The following LINGO2 variants were observed in gnomAD, a reference collection of about 807,000 sequenced individuals.
LINGO2 encodes the protein leucine-rich repeat and immunoglobulin-like domain-containing nogo receptor-interacting protein 2.
A neutral mutation model predicts 30.6 loss-of-function variants in LINGO2; 14 were observed. That is an observed-to-expected ratio of 0.46 (90% CI 0.30 to 0.72). The LOEUF (loss-of-function observed/expected upper bound fraction) is 0.72. Ranked by LOEUF, LINGO2 falls within the 30% of genes least tolerant of loss-of-function variation. LINGO2 has a pLI of 0.07. For missense variants in LINGO2, 729 were observed against 751.7 expected (o/e 0.97, Z 0.35); for synonymous variants, 317 against 288.5 (o/e 1.10, Z -1.00).
the LINGO2 span, among the ~76,000 whole-genome samples, chr9:28,816,140 T>C: frequency 6.6e-6 from 1 of 152,198 alleles, no homozygotes; most frequent in Admixed American, 6.5e-5. Context: ...AAGATAACCA[T>C]GTTAATCTAT....
intron 2 of LINGO2, among the ~76,000 whole-genome samples, chr9:28,463,802 T>C (rs558333839): frequency 5.9e-5 from 9 of 152,294 alleles, no homozygotes; most frequent in Admixed American, 1.3e-4. Flanking sequence ...AAGCCTATGA[T>C]AGCTGTTTTA....
intron 1 of LINGO2, among the ~76,000 whole-genome samples, chr9:28,664,156 A>G (rs1828699347): frequency 6.6e-6 from 1 of 152,186 alleles, no homozygotes; most frequent in Non-Finnish European, 1.5e-5. Flanking sequence ...GAGGAAAAAA[A>G]TTAAAACAGA....
At chr9:28,468,871 C>G (rs937387495) in intron 2 of LINGO2, among the ~76,000 whole-genome samples, 2 of 151,980 alleles carry the variant, frequency 1.3e-5, no homozygotes, top group Admixed American at 1.3e-4. Flanking sequence ...TTTAAATGAC[C>G]AAATTTCAAC....
At chr9:28,816,681 T>C in the LINGO2 span, among the ~76,000 whole-genome samples, 3 of 152,106 alleles carry the variant, frequency 2.0e-5, no homozygotes, top group Non-Finnish European at 2.9e-5. Context: ...GCCTGGCAAC[T>C]GCTAAGAACA....
At chr9:28,809,520 C>T in the LINGO2 span, among the ~76,000 whole-genome samples, 4 of 152,052 alleles carry the variant, frequency 2.6e-5, no homozygotes, top group Admixed American at 1.3e-4. Context: ...CCGAGGCAGA[C>T]GGATCACGAG....
chr9:28,528,016 TC>T (rs1054257786), intron 1 of LINGO2, among the ~76,000 whole-genome samples: 8 of 152,284 alleles, frequency 5.3e-5, no homozygotes, highest in African/African-American at 1.9e-4. Context: ...GTCAAAAATA[TC>T]CAATTTATTT....
chr9:28,131,213 C>T (rs946837148), intron 4 of LINGO2, among the ~76,000 whole-genome samples: 3 of 150,378 alleles, frequency 2.0e-5, no homozygotes, highest in African/African-American at 4.9e-5. Context: ...TAACAAGGTA[C>T]GACTTTTGGA....
At chr9:28,799,805 T>C in the LINGO2 span, among the ~76,000 whole-genome samples, 1 of 152,128 alleles carries the variant, frequency 6.6e-6, no homozygotes, top group African/African-American at 2.4e-5. Context: ...ATTATCATCA[T>C]CATACTCATC....
At chr9:28,526,700 G>T (rs552938070) in intron 1 of LINGO2, among the ~76,000 whole-genome samples, 1 of 152,142 alleles carries the variant, frequency 6.6e-6, no homozygotes, top group South Asian at 2.1e-4. Context: ...ACCCACCACT[G>T]TGTATAGATA....
At chr9:28,893,954 A>G in the LINGO2 span, among the ~76,000 whole-genome samples, 58 of 136,022 alleles carry the variant, frequency 4.3e-4, no homozygotes, top group Admixed American at 1.9e-3. Context: ...TCCTGTGTCC[A>G]TGTGTTCTCA....
At chr9:28,574,436 C>T (rs1347507261) in intron 1 of LINGO2, among the ~76,000 whole-genome samples, 3 of 152,234 alleles carry the variant, frequency 2.0e-5, no homozygotes, top group Admixed American at 6.5e-5. Flanking sequence ...TGTAAGAGAG[C>T]TACTAGTCTT....
At chr9:28,824,635 G>A in the LINGO2 span, among the ~76,000 whole-genome samples, 1 of 152,148 alleles carries the variant, frequency 6.6e-6, no homozygotes, top group African/African-American at 2.4e-5. Context: ...AGGAAAGACT[G>A]ATTAATGATG....
At chr9:28,784,104 G>C in the LINGO2 span, among the ~76,000 whole-genome samples, 1 of 152,134 alleles carries the variant, frequency 6.6e-6, no homozygotes, top group South Asian at 2.1e-4. Flanking sequence ...ACATAATAAT[G>C]TGAAATAAAA....
At chr9:28,847,082 T>C in the LINGO2 span, among the ~76,000 whole-genome samples, 1 of 145,100 alleles carries the variant, frequency 6.9e-6, no homozygotes, top group African/African-American at 2.7e-5. Flanking sequence ...ATGGCTAAAG[T>C]GAATGCTGAT....
the LINGO2 span, among the ~76,000 whole-genome samples, chr9:28,732,209 T>G: frequency 6.6e-6 from 1 of 152,066 alleles, no homozygotes; most frequent in Admixed American, 6.6e-5. Flanking sequence ...ACCTCAGCCC[T>G]CACTGATCTG....
chr9:29,024,230 C>T, the LINGO2 span, among the ~76,000 whole-genome samples: 1 of 152,072 alleles, frequency 6.6e-6, no homozygotes, highest in African/African-American at 2.4e-5. Context: ...TATTTAGAAA[C>T]TTCAAGTGAC....
the LINGO2 span, among the ~76,000 whole-genome samples, chr9:28,882,539 G>A: frequency 6.6e-6 from 1 of 152,132 alleles, no homozygotes; most frequent in Non-Finnish European, 1.5e-5. Flanking sequence ...ACCTTCTATA[G>A]AACCAAGTTA....
At chr9:28,404,638 T>A (rs1406927935) in intron 2 of LINGO2, among the ~76,000 whole-genome samples, 1 of 152,174 alleles carries the variant, frequency 6.6e-6, no homozygotes, top group Non-Finnish European at 1.5e-5. Context: ...CCCTGGAATA[T>A]CCCTGGAATA....
rs1421183655 is a variant in LINGO2 at position 28,350,500 on chromosome 9, C to T, written c.-246+22336G>A. Among the ~76,000 whole-genome samples the T allele has an allele frequency of 6.8e-5, 10 of 147,848 alleles. No individual in the cohort carries two copies. The East Asian group carries it at 7.9e-4, about 12-fold the overall frequency. On this transcript the variant is annotated intron_variant, in intron 3 of 5. Transcript: ENST00000379992. ...TACAGGAGCACCAAGATTCATAAAG[C>T]GAGTCCTGAGTGACCTACAAAGAGA...
Sources: allele counts gnomAD v4.1 joint callset (sites outside exome capture counted in the v4.1 genomes callset), GRCh38; gene constraint gnomAD v4.1.1; transcripts MANE v1.5; gene names NCBI Gene and HGNC (gene_info 2026-07-23, HGNC 2026-07-21).